SLC25A53: variants seen among roughly 807,000 people sequenced by gnomAD.
The protein encoded by SLC25A53 is mitochondrial carrier triple repeat protein 6.
In SLC25A53, 5 loss-of-function variants were observed where a neutral mutation model predicts 15.0. The observed-to-expected ratio is 0.33, with a 90% CI of 0.17 to 0.70. The LOEUF is 0.70. Ranked by LOEUF, SLC25A53 falls within the 30% of genes least tolerant of loss-of-function variation. The probability of loss-of-function intolerance (pLI) is 0.67; values close to 1 mark genes in which losing one functional copy is unlikely to be tolerated. For synonymous variants in SLC25A53, 95 were observed against 100.0 expected, an observed-to-expected ratio of 0.95 and a Z score of 0.30; for missense variants, 216 against 241.6, an observed-to-expected ratio of 0.89 and a Z score of 0.70.
chrX:104,135,981 C>T (rs182124564), intron 1 of SLC25A53, among the ~76,000 whole-genome samples: 67 of 111,289 alleles, frequency 6.0e-4, no homozygotes, highest in African/African-American at 2.2e-3. Context: ...CCACATCTTC[C>T]TAATCTTTGT....
rs112530678 is a variant in SLC25A53, at chrX:104,104,882, C to A, written c.376G>T (p.Val126Leu). The change falls in exon 2 of 2, where the codon GTG becomes TTG. Residue 126 changes from valine (V) to leucine (L), a missense_variant. Val to Leu is a conservative substitution (Grantham distance 32). Coordinates refer to ENST00000594199, the MANE Select transcript of SLC25A53 (RefSeq NM_001012755.5). The stretch of plus-strand genomic sequence containing the variant: ...GGGCTGAGTGCCACGGCCTCCACCA[C>A]GCCAGACATGAGCCCGGCAGCCCAG... ...HRWAAGLMSG[V>L]VEAVALSPFE... 6 of 1,210,107 alleles carry A rather than the reference C, an allele frequency of 5.0e-6. No homozygotes were observed. Among genetic ancestry groups the A allele is most frequent in the East Asian group, 5.9e-5 (2 of 33,777 alleles).
chrX:104,115,707 C>G (rs34462627), intron 1 of SLC25A53: 3,891 of 164,642 alleles, frequency 0.024, 47 homozygotes, highest in Non-Finnish European at 0.033. Context: ...CAGATATCTC[C>G]CTGTACCTGT....
intron 1 of SLC25A53, among the ~76,000 whole-genome samples, chrX:104,106,484 C>T (rs1408139324): frequency 6.3e-5 from 7 of 110,685 alleles, no homozygotes; most frequent in East Asian, 2.9e-4. Context: ...ATGGCCAGGA[C>T]GGAGGGCTTC....
chrX:104,124,186 A>G (rs1250242544), intron 1 of SLC25A53, among the ~76,000 whole-genome samples: 1 of 111,906 alleles, frequency 8.9e-6, no homozygotes, highest in African/African-American at 3.3e-5. Flanking sequence ...CCAACAGTGT[A>G]AAAGCGTTCC....
intron 1 of SLC25A53, among the ~76,000 whole-genome samples, chrX:104,122,833 G>T (rs1556363199): frequency 9.0e-6 from 1 of 111,464 alleles, no homozygotes; most frequent in African/African-American, 3.3e-5. Context: ...TGATCAGGTT[G>T]CCTGTGGAGA....
chrX:104,114,520 AC>A lies in SLC25A53; in HGVS notation c.-31-9233del, dbSNP rs782010455. ...GACTGCCCATGGTAAATTTTTTAAC[AC>A]CCTGCAGGCACAAGGGGAGAAAGCC... On this transcript the variant is annotated intron_variant, in intron 1 of 1. Transcript: ENST00000594199. 9 of 1,211,494 alleles carry A rather than the reference AC, an allele frequency of 7.4e-6. No homozygotes were observed. The East Asian group carries it at 2.7e-4, about 36-fold the overall frequency.
chrX:104,117,750 T>C (rs782269524), intron 1 of SLC25A53, among the ~76,000 whole-genome samples: 1 of 111,883 alleles, frequency 8.9e-6, no homozygotes, highest in Non-Finnish European at 1.9e-5. Context: ...GATTAGAATA[T>C]AGTTCCCCTT....
chrX:104,146,424 C>G (rs1190932364), intron 1 of SLC25A53, among the ~76,000 whole-genome samples: 1 of 111,833 alleles, frequency 8.9e-6, no homozygotes. Flanking sequence ...CTCACCACTC[C>G]TATTCAACAT....
chrX:104,122,681 G>A (rs1051486867), intron 1 of SLC25A53, among the ~76,000 whole-genome samples: 9 of 111,675 alleles, frequency 8.1e-5, no homozygotes, highest in Admixed American at 2.9e-4. Context: ...CAACAAGCAG[G>A]ACATTTTGCT....
At position 104,101,295 on chromosome X, in the gene SLC25A53, T is replaced by C. The variant is rs782312170; in HGVS notation, c.*3039A>G. 34 of 111,974 alleles carry C rather than the reference T, an allele frequency of 3.0e-4. No homozygotes were observed. Among genetic ancestry groups the C allele is most frequent in the African/African-American group, 1.1e-3 (33 of 30,786 alleles). 9.2% of individuals were successfully genotyped at this position (111,974 alleles called of 1,213,427 possible). A position where few individuals can be genotyped will look rare whatever the true frequency, so the allele number is the denominator to read the frequency against. On this transcript the variant is annotated 3_prime_UTR_variant, in exon 2 of 2. Transcript: ENST00000594199. ...CAAACCCAGTGCTTTGGGGTTTTTA[T>C]GGAAGCTTCATTGCGTAGGCATGAT...
chrX:104,153,295 C>T (rs1476022713), intron 1 of SLC25A53, among the ~76,000 whole-genome samples: 3 of 108,145 alleles, frequency 2.8e-5, no homozygotes, highest in African/African-American at 1.0e-4. Flanking sequence ...ACAAAATGTT[C>T]CAGTACCAAT....
In SLC25A53 at chrX:104,146,541, G is replaced by A. The variant is rs1454254488; in HGVS notation, c.-32+10337C>T. Among the ~76,000 whole-genome samples, 5 of 111,895 alleles carry A rather than the reference G, an allele frequency of 4.5e-5. No homozygotes were observed. In the East Asian group the frequency reaches 1.4e-3, roughly 31 times the overall value. ...GTCCCTGTTTGCAGATGACATGATT[G>A]TATATCTAGAAAACCCCATCGTCTC... On this transcript the variant is annotated intron_variant, in intron 1 of 1. Coordinates refer to ENST00000594199, the MANE Select transcript of SLC25A53 (RefSeq NM_001012755.5).
Position 104,105,142 on chromosome X carries a change from A to T in SLC25A53, c.116T>A (p.Phe39Tyr). ...AGGAAAGGTCAGAAAAGTAGACATA[A>T]AGTTGGAAACGGCCCCAAGGGCATA... is the stretch of plus-strand genomic sequence containing the variant. ...QAYALGAVSN[F>Y]MSTFLTFPIY... Residue 39 changes from phenylalanine to tyrosine, a missense_variant, in exon 2 of 2, where the codon TTT becomes TAT. Physicochemically the swap from Phe to Tyr is conservative, Grantham distance 22 (BLOSUM62 3). Coordinates refer to ENST00000594199, the MANE Select transcript of SLC25A53 (RefSeq NM_001012755.5). 8.3e-7 allele frequency: 1 copy of T among 1,212,072 alleles called. No homozygotes were observed. Among genetic ancestry groups the T allele is most frequent in the Non-Finnish European group, 1.1e-6 (1 of 895,570 alleles).
chrX:104,115,198 G>C (rs1556360983), intron 1 of SLC25A53: 1 of 1,209,276 alleles, frequency 8.3e-7, no homozygotes, highest in Non-Finnish European at 1.1e-6. Context: ...AGAAACCTGT[G>C]ACAATGAGAG....
rs782006797 is a variant in SLC25A53 at position 104,114,926 on chromosome X, T to C, written c.-31-9638A>G. 44 of 1,197,489 alleles carry C rather than the reference T, an allele frequency of 3.7e-5. No individual in the cohort carries two copies. In the East Asian group the frequency reaches 1.3e-3, roughly 34 times the overall value. On this transcript the variant is annotated intron_variant, in intron 1 of 1. Coordinates refer to ENST00000594199, the MANE Select transcript of SLC25A53 (RefSeq NM_001012755.5). ...AACGTGATAGAAATAGATGATACCC[T>C]TGATGACTCTGATGAGGATGTGATC...
At chrX:104,142,449 T>A (rs1473974567) in intron 1 of SLC25A53, among the ~76,000 whole-genome samples, 15 of 112,086 alleles carry the variant, frequency 1.3e-4, no homozygotes, top group African/African-American at 4.2e-4. Context: ...ACGTGTCATA[T>A]GTTAAACACC....
Position 104,100,333 on chromosome X carries a change from GTAATTT to G in SLC25A53, c.*3995_*4000del, listed in dbSNP as rs782037808. ...TCTTTTTTTTGACTTTTTATACCAA[GTAATTT>G]TAGTGTTAAATTGTATATTTTATGT... On this transcript the variant is annotated 3_prime_UTR_variant, in exon 2 of 2. Transcript: ENST00000594199. 4 of 111,245 alleles carry G rather than the reference GTAATTT, an allele frequency of 3.6e-5. No homozygotes were observed. Among genetic ancestry groups the G allele is most frequent in the Non-Finnish European group, 7.5e-5 (4 of 53,037 alleles). 9.2% of individuals were successfully genotyped at this position (111,245 alleles called of 1,213,427 possible). A position where few individuals can be genotyped will look rare whatever the true frequency, so the allele number is the denominator to read the frequency against.
Position 104,135,173 on chromosome X carries a change from A to C in SLC25A53, c.-32+21705T>G, listed in dbSNP as rs2075433664. Among the ~76,000 whole-genome samples, 2 of 109,607 alleles carry C rather than the reference A, an allele frequency of 1.8e-5. 1 individual carries two copies. The highest frequency in any genetic ancestry group is 2.0e-4 in the Admixed American group (2 of 10,232). ...TTTCCATCTTTCTCATGGGTTTCTC[A>C]TTCTTCAGCCCATCTGTGTCAAGGT... On this transcript the variant is annotated intron_variant, in intron 1 of 1. Coordinates refer to ENST00000594199, the MANE Select transcript of SLC25A53 (RefSeq NM_001012755.5).
At chrX:104,127,533 A>C (rs782781567) in intron 1 of SLC25A53, among the ~76,000 whole-genome samples, 1 of 112,336 alleles carries the variant, frequency 8.9e-6, no homozygotes, top group East Asian at 2.8e-4. Flanking sequence ...ATCTTGTAAT[A>C]ATTTCCTGGA....
Sources: allele counts gnomAD v4.1 joint callset (sites outside exome capture counted in the v4.1 genomes callset), GRCh38; gene constraint gnomAD v4.1.1; transcripts MANE v1.5; gene names NCBI Gene and HGNC (gene_info 2026-07-23, HGNC 2026-07-21).